Variants in DOP1B observed in about 807,000 individuals in gnomAD.
DOP1B encodes DOP1 leucine zipper like protein B, also known as protein DOP1B.
A neutral mutation model predicts 233.5 loss-of-function variants in DOP1B; 174 were observed. The observed-to-expected ratio is 0.75, with a 90% CI of 0.66 to 0.85. DOP1B has a LOEUF of 0.85. DOP1B is among the 40% of genes least tolerant of loss of function. The probability of loss-of-function intolerance (pLI) is 0.00; values close to 1 mark genes in which losing one functional copy is unlikely to be tolerated. For synonymous variants in DOP1B, 1,190 were observed against 1,185.6 expected, an observed-to-expected ratio of 1.00 and a Z score of -0.08; for missense variants, 2,652 against 2,846.6, an observed-to-expected ratio of 0.93 and a Z score of 1.56.
Position 36,232,845 on chromosome 21 carries a change from A to T in DOP1B, c.2392A>T (p.Met798Leu). Reference protein sequence around the residue: ...SSFPSWLKSLMTICCCVTDCY... With the variant: ...SSFPSWLKSLLTICCCVTDCY... ...TTTTCCATCTTGGCTGAAGTCCCTC[A>T]TGACTATTTGCTGCTGTGTGACTGA... The change falls in exon 15 of 37, where the codon ATG becomes TTG. Residue 798 changes from methionine to leucine, a missense_variant. Physicochemically the swap from Met to Leu is conservative, Grantham distance 15. Transcript: ENST00000691173. The T allele has an allele frequency of 3.1e-6, 5 of 1,613,356 alleles. No individual in the cohort carries two copies. Among genetic ancestry groups the T allele is most frequent in the African/African-American group, 1.3e-5 (1 of 74,890 alleles).
At chr21:36,281,652 G>A (rs1182727533) in intron 32 of DOP1B, 41 bp downstream of exon 32, 3 of 1,456,906 alleles carry the variant, frequency 2.1e-6, no homozygotes, top group East Asian at 4.8e-5. Context: ...TGCTATAACA[G>A]AATACCTGAG....
intron 26 of DOP1B, among the ~76,000 whole-genome samples, chr21:36,268,023 G>A (rs1047390289): frequency 6.6e-6 from 1 of 152,158 alleles, no homozygotes; most frequent in Non-Finnish European, 1.5e-5. Context: ...GTTCAGCGGT[G>A]CACGTATTGT....
intron 15 of DOP1B, among the ~76,000 whole-genome samples, chr21:36,234,790 C>T (rs2066807617): frequency 6.6e-6 from 1 of 152,186 alleles, no homozygotes; most frequent in Non-Finnish European, 1.5e-5. Context: ...ATCCTCCCAC[C>T]TCAGCCTCCC....
intron 14 of DOP1B, among the ~76,000 whole-genome samples, chr21:36,231,598 A>G (rs950934866): frequency 5.3e-5 from 8 of 152,106 alleles, no homozygotes; most frequent in African/African-American, 1.9e-4. Flanking sequence ...GAAGACCTAG[A>G]ACATGAGTGG....
intron 12 of DOP1B, among the ~76,000 whole-genome samples, chr21:36,227,404 G>T (rs551953108): frequency 3.3e-5 from 5 of 151,226 alleles, no homozygotes; most frequent in African/African-American, 9.7e-5. Context: ...AAAATTAGCC[G>T]GGCGTGGTGG....
At chr21:36,285,880 C>T (rs1293024353) in intron 32 of DOP1B, among the ~76,000 whole-genome samples, 2 of 151,802 alleles carry the variant, frequency 1.3e-5, no homozygotes, top group Non-Finnish European at 2.9e-5. Context: ...TGGTTTCAGG[C>T]GCCTATAATC....
At chr21:36,247,494 A>G in intron 19 of DOP1B, 23 bp from the exon 20 acceptor site, 1 of 1,546,176 alleles carries the variant, frequency 6.5e-7, no homozygotes, top group Non-Finnish European at 8.7e-7. Context: ...TTCTCAAACC[A>G]GTTTCTCTTT....
At chr21:36,195,954 G>T (rs1261713598) in intron 2 of DOP1B, among the ~76,000 whole-genome samples, 1 of 152,188 alleles carries the variant, frequency 6.6e-6, no homozygotes, top group Non-Finnish European at 1.5e-5. Context: ...CTATGAGTTG[G>T]CTTTGAAGAT....
chr21:36,212,057 G>A lies in DOP1B; in HGVS notation c.864G>A (p.Arg288=). 6.2e-7 allele frequency: 1 copy of A among 1,613,746 alleles called. No homozygotes were observed. Among genetic ancestry groups the A allele is most frequent in the African/African-American group, 1.3e-5 (1 of 75,000 alleles). The change falls in exon 7 of 37, where the codon AGG becomes AGA. Residue 288 remains arginine (R), a synonymous_variant. Transcript: ENST00000691173. ...LSAATQTLLR[R]DMSLNRRLYA... ...CCGCCACCCAGACCCTACTGAGAAG[G>A]GACATGTCCCTGAACAGAAGACTGT... is the stretch of plus-strand genomic sequence containing the variant.
At chr21:36,292,038 A>G in intron 35 of DOP1B, 66 bp from the exon 36 acceptor site, 2 of 1,514,816 alleles carry the variant, frequency 1.3e-6, no homozygotes, top group Non-Finnish European at 1.8e-6. Flanking sequence ...TATCTTAATA[A>G]AACTAATTTT....
chr21:36,246,462 C>T lies in DOP1B; in HGVS notation c.4482C>T (p.Thr1494=), dbSNP rs145094034. ...ALQYVQPHPL[T]SQGLLVSAVV... Reference sequence around the variant, plus strand: ...AGTACGTGCAGCCCCACCCCCTCACCTCCCAGGGTCTTCTGGTCTCTGCGG... The same window carrying T: ...AGTACGTGCAGCCCCACCCCCTCACTTCCCAGGGTCTTCTGGTCTCTGCGG... Residue 1494 remains threonine (T), a synonymous_variant, in exon 19 of 37, where the codon ACC becomes ACT. Coordinates refer to ENST00000691173, the MANE Select transcript of DOP1B (RefSeq NM_001320714.2). This position sits in a 1 kb window ranked among gnomAD's most constrained non-coding sequence, Gnocchi z 5.1. 2.9e-5 allele frequency: 46 copies of T among 1,613,924 alleles called. No individual in the cohort carries two copies. The highest frequency in any genetic ancestry group is 1.7e-4 in the Admixed American group (10 of 59,994).
intron 2 of DOP1B, among the ~76,000 whole-genome samples, chr21:36,187,141 C>T (rs1050600678): frequency 6.7e-6 from 1 of 149,606 alleles, no homozygotes; most frequent in African/African-American, 2.5e-5. Flanking sequence ...GTCAAGCACC[C>T]ACTGTGCTCT....
At chr21:36,259,114 C>A (rs376811343) in intron 23 of DOP1B, among the ~76,000 whole-genome samples, 4 of 151,806 alleles carry the variant, frequency 2.6e-5, no homozygotes, top group Admixed American at 1.3e-4. Flanking sequence ...TACAGTCGCC[C>A]GCCACCACGC....
chr21:36,280,641 T>C (rs1280201213), intron 31 of DOP1B, among the ~76,000 whole-genome samples: 2 of 152,228 alleles, frequency 1.3e-5, no homozygotes, highest in African/African-American at 4.8e-5. Context: ...TAAGTTTCTA[T>C]AATTTACTAG....
chr21:36,199,220 A>G lies in DOP1B; in HGVS notation c.289A>G (p.Lys97Glu). 6.2e-7 allele frequency: 1 copy of G among 1,614,184 alleles called. No homozygotes were observed. The highest frequency in any genetic ancestry group is 1.1e-5 in the South Asian group (1 of 91,078). The change falls in exon 3 of 37, where the codon AAA becomes GAA. Residue 97 changes from lysine (K) to glutamate (E), a missense_variant. Lys to Glu is a moderately conservative substitution (Grantham distance 56). This residue lies in a region of DOP1B where 2,617 missense variants were observed against 2,794.3 expected (regional missense o/e 0.94). Transcript: ENST00000691173. ...YEIIFKIVGT[K>E]WLAKDLFLYS... ...GATTATCTTTAAAATCGTGGGGACC[A>G]AATGGCTGGCCAAGGACTTGTTTCT...
intron 2 of DOP1B, among the ~76,000 whole-genome samples, chr21:36,183,750 C>A (rs760249889): frequency 6.6e-6 from 1 of 152,164 alleles, no homozygotes; most frequent in Non-Finnish European, 1.5e-5. Flanking sequence ...TCTGAGTGCC[C>A]GGGACAGAGT....
Position 36,248,475 on chromosome 21 carries a change from G to A in DOP1B, c.4905G>A (p.Trp1635Ter). 2 of 1,614,160 alleles carry A rather than the reference G, an allele frequency of 1.2e-6. No homozygotes were observed. Among genetic ancestry groups the A allele is most frequent in the Non-Finnish European group, 1.7e-6 (2 of 1,180,010 alleles). Residue 1635 changes from tryptophan (W) to a stop codon, truncating the protein, a stop_gained, in exon 21 of 37, where the codon TGG (tryptophan) becomes TGA (stop). Coordinates refer to ENST00000691173, the MANE Select transcript of DOP1B (RefSeq NM_001320714.2). LOFTEE classifies it high-confidence loss of function. ...CTGTTAACACCATGGCCCTTCTCTG[G>A]AATGTTCTCAGAAAGGAGGAGACTC... ...PRTVNTMALL[W>*]NVLRKEETQK... is the part of the protein sequence containing the mutation.
At chr21:36,193,245 C>T (rs2066253794) in intron 2 of DOP1B, among the ~76,000 whole-genome samples, 1 of 152,096 alleles carries the variant, frequency 6.6e-6, no homozygotes, top group African/African-American at 2.4e-5. Context: ...GGCATGAGAG[C>T]CTTCAGAAAT....
rs530315950 is a variant in DOP1B, at chr21:36,200,273, TG to T, written c.321-55del. On this transcript the variant is annotated intron_variant, in intron 3 of 36. Transcript: ENST00000691173. ...AACTCCCCTCGGCTGGCTTGTCACCTGGGACTTCTGACTGGGTATCTTATTT... is the reference window on the plus strand; with the variant it reads ...AACTCCCCTCGGCTGGCTTGTCACCTGGACTTCTGACTGGGTATCTTATTT... 246 of 1,505,478 alleles carry T rather than the reference TG, an allele frequency of 1.6e-4. No individual in the cohort carries two copies. The African/African-American group carries it at 3.1e-3, about 19-fold the overall frequency. 93.3% of individuals were successfully genotyped at this position (1,505,478 alleles called of 1,614,324 possible).
Sources: allele counts gnomAD v4.1 joint callset (sites outside exome capture counted in the v4.1 genomes callset), GRCh38; gene constraint gnomAD v4.1.1; regional missense constraint gnomAD v4.1.1; non-coding constraint Gnocchi (gnomAD v3.1); transcripts MANE v1.5; gene names NCBI Gene and HGNC (gene_info 2026-07-23, HGNC 2026-07-21).